Variants in RALYL observed in about 807,000 individuals in gnomAD.
The protein encoded by RALYL is RNA-binding Raly-like protein.
In RALYL, 29 loss-of-function variants were observed where a neutral mutation model predicts 35.1. The observed-to-expected ratio is 0.83, with a 90% confidence interval of 0.61 to 1.13. RALYL has a LOEUF of 1.13. RALYL is among the 50% of genes most tolerant of loss of function. RALYL has a pLI of 0.00. For synonymous variants in RALYL, 120 were observed against 127.6 expected (o/e 0.94, Z 0.40); for missense variants, 359 against 360.4 (o/e 1.00, Z 0.03).
chr8:84,606,715 G>A (rs1817222142), intron 2 of RALYL, among the ~76,000 whole-genome samples: 2 of 152,236 alleles, frequency 1.3e-5, no homozygotes, highest in Middle Eastern at 3.4e-3. Flanking sequence ...TTCATACATG[G>A]ACCTTTGTTT....
intron 2 of RALYL, among the ~76,000 whole-genome samples, chr8:84,702,997 A>C (rs1840474665): frequency 6.6e-6 from 1 of 152,142 alleles, no homozygotes; most frequent in South Asian, 2.1e-4. Context: ...CAGGAAGAAG[A>C]GTGGGGTGCC....
At chr8:84,795,014 G>T (rs1432345293) in intron 3 of RALYL, among the ~76,000 whole-genome samples, 3 of 152,196 alleles carry the variant, frequency 2.0e-5, no homozygotes, top group African/African-American at 2.4e-5. Flanking sequence ...CCCAGATGGT[G>T]GTAACTGCAA....
rs547808394 is a variant in RALYL at position 84,326,800 on chromosome 8, A to G, written c.-24+142376A>G. On this transcript the variant is annotated intron_variant, in intron 1 of 8. Coordinates refer to ENST00000521268, the MANE Select transcript of RALYL (RefSeq NM_173848.7). The stretch of plus-strand genomic sequence containing the variant: ...CCCATATAAAAATCCATGTCTTTTT[A>G]AGGGTAATACTCAGAATTTTCATGT... Among the ~76,000 whole-genome samples, 53 of 152,306 alleles carry G rather than the reference A, an allele frequency of 3.5e-4. No individual in the cohort carries two copies. The South Asian group carries it at 0.011, about 30-fold the overall frequency.
In RALYL at chr8:84,235,022, C is replaced by CA. The variant is rs758630792; in HGVS notation, c.-24+50601dup. Reference sequence around the variant, plus strand: ...TTGTGATCTGCCCGCCTCAGCCTCCCAAAGTGCTGGGATTACAGACGTGAG... The same window carrying CA: ...TTGTGATCTGCCCGCCTCAGCCTCCCAAAAGTGCTGGGATTACAGACGTGAG... On this transcript the variant is annotated intron_variant, in intron 1 of 8. Transcript: ENST00000521268. Among the ~76,000 whole-genome samples, 3 of 152,092 alleles carry CA rather than the reference C, an allele frequency of 2.0e-5. No individual in the cohort carries two copies. In the South Asian group the frequency reaches 6.2e-4, roughly 31 times the overall value.
At chr8:84,279,709 T>C (rs1836167841) in intron 1 of RALYL, among the ~76,000 whole-genome samples, 1 of 152,108 alleles carries the variant, frequency 6.6e-6, no homozygotes, top group Admixed American at 6.5e-5. Context: ...AATTTTTTGG[T>C]TTATAGCTTT....
At chr8:84,885,166 A>G (rs1018335856) in intron 7 of RALYL, among the ~76,000 whole-genome samples, 1 of 152,140 alleles carries the variant, frequency 6.6e-6, no homozygotes, top group African/African-American at 2.4e-5. Context: ...ACTGTAGAGC[A>G]CAATGAATGA....
chr8:84,353,110 C>G (rs1490684145), intron 1 of RALYL, among the ~76,000 whole-genome samples: 1 of 150,140 alleles, frequency 6.7e-6, no homozygotes, highest in East Asian at 1.9e-4. Context: ...TTCCCAGATA[C>G]AATCATATTA....
intron 2 of RALYL, among the ~76,000 whole-genome samples, chr8:84,588,868 T>A (rs1024968686): frequency 5.3e-5 from 8 of 151,674 alleles, no homozygotes; most frequent in African/African-American, 1.9e-4. Context: ...TTTTGTTTTG[T>A]TTTTTATTCT....
At chr8:84,684,521 A>G (rs765561588) in intron 2 of RALYL, among the ~76,000 whole-genome samples, 2 of 152,178 alleles carry the variant, frequency 1.3e-5, no homozygotes, top group South Asian at 2.1e-4. Flanking sequence ...GCATTTGAAG[A>G]TGAAGAGAAA....
intron 2 of RALYL, among the ~76,000 whole-genome samples, chr8:84,541,576 C>T (rs192987349): frequency 1.4e-4 from 21 of 152,076 alleles, no homozygotes; most frequent in African/African-American, 5.1e-4. Context: ...CTTTATATGT[C>T]AAACAGGCAA....
chr8:84,519,320 A>G (rs1020877263), intron 1 of RALYL, among the ~76,000 whole-genome samples: 1 of 152,212 alleles, frequency 6.6e-6, no homozygotes, highest in African/African-American at 2.4e-5. Flanking sequence ...TTCTCAGGAT[A>G]CTTTTTAAAC....
chr8:84,722,769 T>C (rs954062539), intron 2 of RALYL, among the ~76,000 whole-genome samples: 5 of 149,860 alleles, frequency 3.3e-5, no homozygotes, highest in Non-Finnish European at 5.9e-5. Context: ...ACTTTACATA[T>C]GGATACACAT....
At chr8:84,471,491 G>T (rs2052746174) in intron 1 of RALYL, among the ~76,000 whole-genome samples, 1 of 151,942 alleles carries the variant, frequency 6.6e-6, no homozygotes, top group South Asian at 2.1e-4. Context: ...CTACTCTGGG[G>T]GCTGAGGTGA....
intron 2 of RALYL, among the ~76,000 whole-genome samples, chr8:84,659,528 G>A (rs371980007): frequency 6.6e-6 from 1 of 152,106 alleles, no homozygotes; most frequent in African/African-American, 2.4e-5. Flanking sequence ...GCTGAGGCCC[G>A]CTCTTCCTTA....
chr8:84,534,904 A>C (rs1002419790), intron 2 of RALYL, among the ~76,000 whole-genome samples: 4 of 152,200 alleles, frequency 2.6e-5, no homozygotes, highest in African/African-American at 9.6e-5. Flanking sequence ...GTTTTTTATA[A>C]ATATAATCCA....
At chr8:84,661,073 C>T (rs1171605512) in intron 2 of RALYL, among the ~76,000 whole-genome samples, 2 of 151,892 alleles carry the variant, frequency 1.3e-5, no homozygotes, top group Non-Finnish European at 2.9e-5. Flanking sequence ...GGACTACAGG[C>T]GCCCCCCACC....
rs141757855 is a variant in RALYL, at chr8:84,292,216, A to C, written c.-24+107792A>C. Among the ~76,000 whole-genome samples, 91 of 152,296 alleles carry C rather than the reference A, an allele frequency of 6.0e-4. 1 individual carries two copies. The East Asian group carries it at 0.017, about 29-fold the overall frequency. ...TTAACCTTTATCATAAAAGGTGAGG[A>C]GGTAGGTATGTGCAATAGATATCCA... On this transcript the variant is annotated intron_variant, in intron 1 of 8. Transcript: ENST00000521268.
intron 1 of RALYL, among the ~76,000 whole-genome samples, chr8:84,312,238 C>T (rs1188453924): frequency 1.3e-5 from 2 of 152,148 alleles, no homozygotes; most frequent in African/African-American, 4.8e-5. Flanking sequence ...AATCCAGTCA[C>T]CTCCCACCAG....
At chr8:84,432,399 C>T (rs1423343866) in intron 1 of RALYL, among the ~76,000 whole-genome samples, 1 of 151,894 alleles carries the variant, frequency 6.6e-6, no homozygotes, top group African/African-American at 2.4e-5. Context: ...TAGGGAGCTG[C>T]TATTCAATAC....
Sources: allele counts gnomAD v4.1 joint callset (sites outside exome capture counted in the v4.1 genomes callset), GRCh38; gene constraint gnomAD v4.1.1; transcripts MANE v1.5; gene names NCBI Gene and HGNC (gene_info 2026-07-23, HGNC 2026-07-21).